The following TGM3 variants were observed in gnomAD, a reference collection of about 807,000 sequenced individuals.
The protein encoded by TGM3 is transglutaminase 3.
A neutral mutation model predicts 73.8 loss-of-function variants in TGM3; 52 were observed. The observed-to-expected ratio is 0.70, with a 90% CI of 0.56 to 0.89. The LOEUF (loss-of-function observed/expected upper bound fraction) is 0.89, where lower values mean the gene tolerates loss of function less well. Among genes scored for constraint, TGM3 ranks in the 40% least tolerant of loss-of-function variants. The probability of loss-of-function intolerance (pLI) is 0.00; values close to 1 mark genes in which losing one functional copy is unlikely to be tolerated. For missense variants in TGM3, 928 were observed against 909.9 expected, an observed-to-expected ratio of 1.02 and a Z score of -0.26; for synonymous variants, 372 against 354.9, an observed-to-expected ratio of 1.05 and a Z score of -0.54.
chr20:2,304,572 C>T lies in TGM3; in HGVS notation c.8-5085C>T, dbSNP rs568137581. Among the ~76,000 whole-genome samples the T allele has an allele frequency of 2.0e-5, 3 of 152,338 alleles. No homozygotes were observed. In the South Asian group the frequency reaches 6.2e-4, roughly 32 times the overall value. The stretch of plus-strand genomic sequence containing the variant: ...GACTCAAAATCCTGCATGAGACCCT[C>T]TTCCAGAAGGAGGTTTCGGGACCAC... On this transcript the variant is annotated intron_variant, in intron 1 of 12. Transcript: ENST00000381458.
At chr20:2,336,119 C>T (rs905847201) in intron 11 of TGM3, among the ~76,000 whole-genome samples, 1 of 152,238 alleles carries the variant, frequency 6.6e-6, no homozygotes, top group African/African-American at 2.4e-5. Context: ...GCTTGCAGGT[C>T]TGTGGGAGGC....
Position 2,311,069 on chromosome 20 carries a change from C to T in TGM3, c.480C>T (p.Ala160=), listed in dbSNP as rs371398179. ...GAGAAGAGTATGTTCAGGAAGATGCCGGCATCATCTTTGTGGGAAGCACAA... is the reference window on the plus strand; with the variant it reads ...GAGAAGAGTATGTTCAGGAAGATGCTGGCATCATCTTTGTGGGAAGCACAA... The part of the protein sequence containing the change: ...AEREEYVQED[A]GIIFVGSTNR... The change falls in exon 4 of 13, where the codon GCC becomes GCT. Residue 160 remains alanine, a synonymous_variant. Transcript: ENST00000381458. The T allele has an allele frequency of 2.5e-5, 40 of 1,613,938 alleles. No individual in the cohort carries two copies. The highest frequency in any genetic ancestry group is 3.3e-5 in the Admixed American group (2 of 59,990).
chr20:2,305,644 A>T lies in TGM3; in HGVS notation c.8-4013A>T, dbSNP rs45446196. On this transcript the variant is annotated intron_variant, in intron 1 of 12. Transcript: ENST00000381458. The stretch of plus-strand genomic sequence containing the variant: ...CCTCCAGCTCGGAGCAGTCTCGCAC[A>T]TCCCACAGCCACCCTAACAGGGAGC... Among the ~76,000 whole-genome samples, 384 of 152,292 alleles carry T rather than the reference A, an allele frequency of 2.5e-3. 4 individuals are homozygous for T. Among genetic ancestry groups the T allele is most frequent in the African/African-American group, 8.7e-3 (363 of 41,578 alleles).
chr20:2,312,841 T>C, intron 4 of TGM3, 57 bp from the exon 5 acceptor site: 1 of 1,606,756 alleles, frequency 6.2e-7, no homozygotes, highest in Non-Finnish European at 8.5e-7. Context: ...GTTCCCTTCT[T>C]GAGCCAACTC....
At chr20:2,331,395 C>T (rs2084320163) in intron 9 of TGM3, among the ~76,000 whole-genome samples, 1 of 152,164 alleles carries the variant, frequency 6.6e-6, no homozygotes, top group African/African-American at 2.4e-5. Flanking sequence ...CCAGTCTTTG[C>T]AGTTTTGAAA....
intron 7 of TGM3, among the ~76,000 whole-genome samples, chr20:2,319,622 T>C (rs992243837): frequency 1.3e-5 from 2 of 152,220 alleles, no homozygotes; most frequent in African/African-American, 4.8e-5. Flanking sequence ...AGGGTGGCTC[T>C]GTGGTCATTT....
At chr20:2,310,471 AG>A in intron 3 of TGM3, 54 bp downstream of exon 3, 1 of 1,593,678 alleles carries the variant, frequency 6.3e-7, no homozygotes, top group Non-Finnish European at 8.6e-7. Context: ...GAAAAGAAAA[AG>A]GGGATGGGGG....
rs898121500 is a variant in TGM3, at chr20:2,328,055, G to A, written c.1088-65G>A. 5 of 1,601,906 alleles carry A rather than the reference G, an allele frequency of 3.1e-6. No homozygotes were observed. Among genetic ancestry groups the A allele is most frequent in the Non-Finnish European group, 2.6e-6 (3 of 1,172,520 alleles). On this transcript the variant is annotated intron_variant, in intron 8 of 12. Transcript: ENST00000381458. The surrounding 1 kb of genome is among the most constrained non-coding windows in gnomAD (Gnocchi z 5.2). ...GTTGCAGTGGTCCTGGAAGGCCCTG[G>A]GGAATCGGGCACTGGGTAGGTTGTG...
At chr20:2,302,430 C>A (rs2084153357) in intron 1 of TGM3, among the ~76,000 whole-genome samples, 2 of 151,684 alleles carry the variant, frequency 1.3e-5, no homozygotes, top group South Asian at 4.1e-4. Context: ...TGAACCCCCC[C>A]AAAAAACAAT....
At chr20:2,302,349 G>C (rs1197461264) in intron 1 of TGM3, among the ~76,000 whole-genome samples, 1 of 152,216 alleles carries the variant, frequency 6.6e-6, no homozygotes, top group Non-Finnish European at 1.5e-5. Flanking sequence ...TCATGTGAAA[G>C]AGGGACCACA....
intron 3 of TGM3, 75 bp from the exon 4 acceptor site, chr20:2,310,936 G>A: frequency 7.5e-7 from 1 of 1,339,280 alleles, no homozygotes; most frequent in Non-Finnish European, 1.1e-6. Context: ...GTTCAGGAGT[G>A]GGAGGAGAGG....
chr20:2,339,729 G>T, intron 11 of TGM3, 125 bp from the exon 12 acceptor site: 1 of 1,336,754 alleles, frequency 7.5e-7, no homozygotes, highest in Non-Finnish European at 1.0e-6. Flanking sequence ...GGGCTAAATG[G>T]TCTCCCCTTC....
At chr20:2,302,675 C>T (rs1371044981) in intron 1 of TGM3, among the ~76,000 whole-genome samples, 2 of 111,910 alleles carry the variant, frequency 1.8e-5, no homozygotes, top group Non-Finnish European at 3.7e-5. Flanking sequence ...AGAAAACAGG[C>T]AAAGGGCATT....
rs777970589 is a variant in TGM3 at position 2,328,174 on chromosome 20, A to C, written c.1142A>C (p.Gln381Pro). 9.3e-6 allele frequency: 15 copies of C among 1,614,058 alleles called. No individual in the cohort carries two copies. Among genetic ancestry groups the C allele is most frequent in the Admixed American group, 1.7e-5 (1 of 59,998 alleles). Residue 381 changes from glutamine to proline, a missense_variant, in exon 9 of 13, where the codon CAG becomes CCG. Gln to Pro is a moderately conservative substitution (Grantham distance 76). Transcript: ENST00000381458. This position sits in a 1 kb window ranked among gnomAD's most constrained non-coding sequence, Gnocchi z 5.2. ...SVIGVREGDV[Q>P]LNFDMPFIFA... ...ATTGGTGTTCGAGAGGGTGATGTGCAGCTGAACTTCGACATGCCCTTTATC... is the reference window on the plus strand; with the variant it reads ...ATTGGTGTTCGAGAGGGTGATGTGCCGCTGAACTTCGACATGCCCTTTATC...
At chr20:2,338,389 T>C (rs2084362819) in intron 11 of TGM3, among the ~76,000 whole-genome samples, 1 of 152,078 alleles carries the variant, frequency 6.6e-6, no homozygotes, top group Non-Finnish European at 1.5e-5. Flanking sequence ...AAATTAAATA[T>C]CACCATGAAA....
intron 5 of TGM3, among the ~76,000 whole-genome samples, chr20:2,315,867 C>G (rs1351528927): frequency 6.6e-6 from 1 of 152,212 alleles, no homozygotes; most frequent in Non-Finnish European, 1.5e-5. Context: ...GTGTCTCCTT[C>G]TCTCTTTTAA....
chr20:2,315,395 G>A (rs755362682), intron 5 of TGM3, among the ~76,000 whole-genome samples: 1 of 152,212 alleles, frequency 6.6e-6, no homozygotes, highest in Non-Finnish European at 1.5e-5. Flanking sequence ...GATGGGGAAG[G>A]GCTGCGCAAC....
intron 12 of TGM3, 119 bp from the exon 13 acceptor site, chr20:2,340,315 C>A: frequency 7.0e-7 from 1 of 1,431,896 alleles, no homozygotes; most frequent in Non-Finnish European, 9.5e-7. Flanking sequence ...CTAGAGGGAG[C>A]TAAAGAAGCA....
chr20:2,312,315 A>T (rs1600696281), intron 4 of TGM3, among the ~76,000 whole-genome samples: 1 of 143,188 alleles, frequency 7.0e-6, no homozygotes, highest in East Asian at 2.2e-4. Context: ...CGGGAGAATT[A>T]CTTCCCAGGA....
Sources: allele counts gnomAD v4.1 joint callset (sites outside exome capture counted in the v4.1 genomes callset), GRCh38; gene constraint gnomAD v4.1.1; non-coding constraint Gnocchi (gnomAD v3.1); transcripts MANE v1.5; gene names NCBI Gene and HGNC (gene_info 2026-07-23, HGNC 2026-07-21).